The following SLCO4C1 variants were observed in gnomAD, a reference collection of about 807,000 sequenced individuals.
SLCO4C1 encodes solute carrier organic anion transporter family member 4C1, also known as organic anion transporter M1.
SLCO4C1 carries 58 observed loss-of-function variants against 72.1 expected under a neutral mutation model. The ratio of observed to expected loss-of-function variants is 0.80; its 90% CI spans 0.65 to 1.00. SLCO4C1 has a LOEUF of 1.00. Among genes scored for constraint, SLCO4C1 ranks in the 50% least tolerant of loss-of-function variants. The pLI is 0.00. For synonymous variants in SLCO4C1, 297 were observed against 312.5 expected (o/e 0.95, Z 0.52); for missense variants, 898 against 857.9 (o/e 1.05, Z -0.58).
At position 102,236,818 on chromosome 5, in the gene SLCO4C1, TA is replaced by T; in HGVS notation, c.*39del. On this transcript the variant is annotated 3_prime_UTR_variant, in exon 13 of 13. Coordinates refer to ENST00000310954, the MANE Select transcript of SLCO4C1 (RefSeq NM_180991.5). ...CAATGTGTGTTCTTAAAAATCGAGG[TA>T]AATTTTCCAGGTGTAAAACAGTCTT... 6.3e-7 allele frequency: 1 copy of T among 1,594,612 alleles called. No individual in the cohort carries two copies.
intron 8 of SLCO4C1, among the ~76,000 whole-genome samples, chr5:102,255,701 C>G (rs911727644): frequency 2.0e-5 from 3 of 152,110 alleles, no homozygotes; most frequent in Admixed American, 1.3e-4. Context: ...TTTTAAACCC[C>G]ATTTCACTAT....
At chr5:102,277,954 C>CA (rs1749279336) in intron 2 of SLCO4C1, among the ~76,000 whole-genome samples, 2 of 151,630 alleles carry the variant, frequency 1.3e-5, no homozygotes, top group Non-Finnish European at 2.9e-5. Flanking sequence ...AATAGAGAAA[C>CA]AAAAAACAAA....
chr5:102,264,312 G>A (rs369166775), intron 3 of SLCO4C1, among the ~76,000 whole-genome samples: 1 of 152,014 alleles, frequency 6.6e-6, no homozygotes, highest in African/African-American at 2.4e-5. Context: ...GAATTAAATT[G>A]AGCTTATTTC....
chr5:102,292,388 A>G (rs1749573861), intron 1 of SLCO4C1, among the ~76,000 whole-genome samples: 1 of 152,154 alleles, frequency 6.6e-6, no homozygotes, highest in African/African-American at 2.4e-5. Context: ...TTCCCAAATT[A>G]TTCAATCCTT....
intron 1 of SLCO4C1, among the ~76,000 whole-genome samples, chr5:102,291,862 C>A (rs957040394): frequency 6.6e-6 from 1 of 151,818 alleles, no homozygotes; most frequent in African/African-American, 2.4e-5. Flanking sequence ...ACTTTCATTG[C>A]CCAGGCTGGA....
intron 4 of SLCO4C1, among the ~76,000 whole-genome samples, chr5:102,262,972 T>A (rs1215384707): frequency 1.3e-5 from 2 of 151,856 alleles, no homozygotes; most frequent in African/African-American, 2.4e-5. Context: ...AGTGGCAAAA[T>A]GAAAAAAAAT....
intron 2 of SLCO4C1, among the ~76,000 whole-genome samples, chr5:102,288,659 C>A (rs1242553604): frequency 1.3e-5 from 2 of 152,178 alleles, no homozygotes; most frequent in African/African-American, 4.8e-5. Flanking sequence ...AACAGCCTCC[C>A]TTGCTTTGAC....
intron 8 of SLCO4C1, among the ~76,000 whole-genome samples, chr5:102,250,878 T>G (rs1361554739): frequency 1.3e-5 from 2 of 151,950 alleles, no homozygotes; most frequent in Admixed American, 1.3e-4. Flanking sequence ...GTCCCAGTTC[T>G]CGGGAGGCTG....
intron 3 of SLCO4C1, among the ~76,000 whole-genome samples, chr5:102,267,763 G>C (rs939004961): frequency 6.6e-6 from 1 of 151,752 alleles, no homozygotes; most frequent in Non-Finnish European, 1.5e-5. Context: ...AAAATTCCCT[G>C]TTAGCATTGC....
At chr5:102,272,690 T>G (rs1283141854) in intron 2 of SLCO4C1, among the ~76,000 whole-genome samples, 1 of 152,176 alleles carries the variant, frequency 6.6e-6, no homozygotes, top group Admixed American at 6.5e-5. Context: ...GCGTGATGGC[T>G]TACACCTATA....
At chr5:102,261,478 C>T (rs899612869) in intron 5 of SLCO4C1, among the ~76,000 whole-genome samples, 3 of 148,852 alleles carry the variant, frequency 2.0e-5, no homozygotes, top group Non-Finnish European at 4.5e-5. Flanking sequence ...AAAAAAAGTA[C>T]GCTACGGAAT....
At chr5:102,267,859 C>T (rs1749071857) in intron 3 of SLCO4C1, among the ~76,000 whole-genome samples, 1 of 151,946 alleles carries the variant, frequency 6.6e-6, no homozygotes, top group South Asian at 2.1e-4. Context: ...ATATTGGTTG[C>T]TCAGCAGCAT....
At position 102,258,060 on chromosome 5, in the gene SLCO4C1, A is replaced by G; in HGVS notation, c.1156T>C (p.Cys386Arg). ...KNLMKNAVFMCLVLSTSSEAL... is the reference protein window; with the variant it reads ...KNLMKNAVFMRLVLSTSSEAL... ...TCTGAAGAAGTTGATAGAACTAAAC[A>G]CATAAAGACAGCATTCTTCATCAAA... The change falls in exon 7 of 13, where the codon TGT (cysteine) becomes CGT (arginine). Residue 386 changes from cysteine to arginine, a missense_variant. Coordinates refer to ENST00000310954, the MANE Select transcript of SLCO4C1 (RefSeq NM_180991.5). 9 of 1,574,200 alleles carry G rather than the reference A, an allele frequency of 5.7e-6. No individual in the cohort carries two copies. The highest frequency in any genetic ancestry group is 7.7e-6 in the Non-Finnish European group (9 of 1,166,456).
chr5:102,280,061 T>C (rs1749323412), intron 2 of SLCO4C1, among the ~76,000 whole-genome samples: 1 of 113,700 alleles, frequency 8.8e-6, no homozygotes, highest in Non-Finnish European at 1.7e-5. Context: ...CTCAAAATAG[T>C]ACTGGAAGTT....
chr5:102,241,107 T>C lies in SLCO4C1; in HGVS notation c.1812-325A>G, dbSNP rs143089992. Among the ~76,000 whole-genome samples the C allele has an allele frequency of 1.1e-4, 16 of 152,200 alleles. 1 individual carries two copies. The East Asian group carries it at 3.1e-3, about 29-fold the overall frequency. ...CAATAAATTATGTATAGAAGGAGTG[T>C]ACCTCAATATAATAGAGCCCAAATA... On this transcript the variant is annotated intron_variant, in intron 10 of 12. Transcript: ENST00000310954.
intron 6 of SLCO4C1, among the ~76,000 whole-genome samples, chr5:102,259,361 C>T (rs1748895770): frequency 6.6e-6 from 1 of 151,816 alleles, no homozygotes; most frequent in Admixed American, 6.6e-5. Flanking sequence ...ATAAACTAAA[C>T]AGGAATAATG....
chr5:102,244,342 G>A (rs1748600044), intron 10 of SLCO4C1, among the ~76,000 whole-genome samples: 1 of 152,020 alleles, frequency 6.6e-6, no homozygotes, highest in Admixed American at 6.6e-5. Context: ...ACAGTCATAG[G>A]AGACAAAAGA....
chr5:102,273,396 T>C (rs796851865), intron 2 of SLCO4C1, among the ~76,000 whole-genome samples: 4 of 152,274 alleles, frequency 2.6e-5, no homozygotes, highest in African/African-American at 9.6e-5. Context: ...AATATTCCCT[T>C]GTAAAGTCTG....
chr5:102,260,194 G>T lies in SLCO4C1; in HGVS notation c.1128+19C>A. 2 of 876,230 alleles carry T rather than the reference G, an allele frequency of 2.3e-6. No homozygotes were observed. Among genetic ancestry groups the T allele is most frequent in the Non-Finnish European group, 3.2e-6 (2 of 633,208 alleles). 54.3% of individuals were successfully genotyped at this position (876,230 alleles called of 1,614,324 possible). On this transcript the variant is annotated intron_variant, in intron 6 of 12. Coordinates refer to ENST00000310954, the MANE Select transcript of SLCO4C1 (RefSeq NM_180991.5). ...TGTGTATGAGACTGAGAGAGAGACAGAGAAGAATTTTATTTTACCTTTAGA... is the reference window on the plus strand; with the variant it reads ...TGTGTATGAGACTGAGAGAGAGACATAGAAGAATTTTATTTTACCTTTAGA...
Sources: allele counts gnomAD v4.1 joint callset (sites outside exome capture counted in the v4.1 genomes callset), GRCh38; gene constraint gnomAD v4.1.1; transcripts MANE v1.5; gene names NCBI Gene and HGNC (gene_info 2026-07-23, HGNC 2026-07-21).